Variants in PLCE1 observed in about 807,000 individuals in gnomAD.
The protein encoded by PLCE1 is phospholipase C epsilon 1.
Under a neutral mutation model 242.8 loss-of-function variants are expected in PLCE1, and 119 were observed. That is an observed-to-expected ratio of 0.49 (90% CI 0.42 to 0.57). PLCE1 has a LOEUF of 0.57. Among genes scored for constraint, PLCE1 ranks in the 20% least tolerant of loss-of-function variants. The pLI, the probability that PLCE1 is intolerant of heterozygous loss-of-function variation, is 0.00. For missense variants in PLCE1, 2,441 were observed against 2,788.8 expected, an observed-to-expected ratio of 0.88 and a Z score of 2.81; for synonymous variants, 945 against 1,017.4, an observed-to-expected ratio of 0.93 and a Z score of 1.35.
chr10:94,308,596 A>G lies in PLCE1; in HGVS notation c.5900A>G (p.Gln1967Arg), dbSNP rs1221249322. 6.2e-7 allele frequency: 1 copy of G among 1,609,666 alleles called. No homozygotes were observed. Among genetic ancestry groups the G allele is most frequent in the Non-Finnish European group, 8.5e-7 (1 of 1,175,934 alleles). ...ATTACTCCAGGATATCGACATCTTC[A>G]GCTGCGAAACCTTCACAATGAAGTC... ...KALKRGYRHL[Q>R]LRNLHNEVLE... Residue 1967 changes from glutamine (Q) to arginine (R), a missense_variant, in exon 27 of 33, where the codon CAG becomes CGG. Transcript: ENST00000371380.
intron 2 of PLCE1, among the ~76,000 whole-genome samples, chr10:94,095,209 A>G (rs1182898215): frequency 6.6e-6 from 1 of 152,244 alleles, no homozygotes; most frequent in Non-Finnish European, 1.5e-5. Context: ...TCATGCAATG[A>G]CAGGCACATT....
chr10:94,173,029 A>G (rs1263656913), intron 4 of PLCE1, among the ~76,000 whole-genome samples: 2 of 152,176 alleles, frequency 1.3e-5, no homozygotes, highest in Non-Finnish European at 2.9e-5. Flanking sequence ...TGTGCTAACC[A>G]TTTTATATGT....
rs188061292 is a variant in PLCE1 at position 94,087,195 on chromosome 10, A to T, written c.1207-44979A>T. ...AGACCCTGTTGCTATAAAGTTTTTT[A>T]AAAAATTAGCCAGGTGTGGTGGCTT... On this transcript the variant is annotated intron_variant, in intron 2 of 32. Coordinates refer to ENST00000371380, the MANE Select transcript of PLCE1 (RefSeq NM_016341.4). 1.2e-4 allele frequency among the ~76,000 whole-genome samples: 18 copies of T among 151,686 alleles called. No homozygotes were observed. The South Asian group carries it at 1.9e-3, about 16-fold the overall frequency.
At chr10:94,162,492 C>T (rs1299194816) in intron 3 of PLCE1, among the ~76,000 whole-genome samples, 4 of 152,112 alleles carry the variant, frequency 2.6e-5, no homozygotes, top group Admixed American at 6.6e-5. Flanking sequence ...TCTGTGGGAT[C>T]GGTGTGATAT....
At chr10:94,163,855 G>A (rs2047701940) in intron 3 of PLCE1, among the ~76,000 whole-genome samples, 1 of 152,136 alleles carries the variant, frequency 6.6e-6, no homozygotes, top group Non-Finnish European at 1.5e-5. Flanking sequence ...AGGCCTGGTG[G>A]TGACAAAATC....
chr10:94,262,048 T>C (rs1269183402), intron 13 of PLCE1, among the ~76,000 whole-genome samples: 1 of 148,584 alleles, frequency 6.7e-6, no homozygotes, highest in Non-Finnish European at 1.5e-5. Context: ...TTGCCCAGGC[T>C]AGAGTGCAGT....
In PLCE1 at chr10:94,030,721, C is replaced by G. The variant is rs931195342; in HGVS notation, c.-326C>G. ...TTCAAACTGGATTTTAAAATCATTG[C>G]AAATCAGTGATGGATCAGAAGTTGC... On this transcript the variant is annotated 5_prime_UTR_variant, in exon 2 of 33. Coordinates refer to ENST00000371380, the MANE Select transcript of PLCE1 (RefSeq NM_016341.4). 1.3e-4 allele frequency: 41 copies of G among 311,714 alleles called. No homozygotes were observed. The highest frequency in any genetic ancestry group is 8.5e-4 in the African/African-American group (39 of 45,922). 19.3% of individuals were successfully genotyped at this position (311,714 alleles called of 1,614,324 possible). A position where few individuals can be genotyped will look rare whatever the true frequency, so the allele number is the denominator to read the frequency against.
chr10:94,203,257 A>G (rs2049038660), intron 4 of PLCE1, among the ~76,000 whole-genome samples: 1 of 152,190 alleles, frequency 6.6e-6, no homozygotes, highest in East Asian at 1.9e-4. Context: ...TCTGCTCCCA[A>G]CTGTGACCCC....
At chr10:94,103,602 A>G (rs575584857) in intron 2 of PLCE1, among the ~76,000 whole-genome samples, 1 of 152,222 alleles carries the variant, frequency 6.6e-6, no homozygotes, top group African/African-American at 2.4e-5. Context: ...GTACCTATGT[A>G]AGAAAACTGC....
rs763696384 is a variant in PLCE1 at position 94,031,757 on chromosome 10, G to A, written c.711G>A (p.Leu237=). 3 of 1,613,740 alleles carry A rather than the reference G, an allele frequency of 1.9e-6. No individual in the cohort carries two copies. In the South Asian group the frequency reaches 3.3e-5, roughly 18 times the overall value. ...KKNYVAYTCK[L]MELAKNCDNK... is the part of the protein sequence containing the mutation. ...ACTATGTGGCATATACCTGTAAACT[G>A]ATGGAATTGGCCAAAAATTGTGATA... Residue 237 remains leucine (L), a synonymous_variant, in exon 2 of 33, where the codon CTG becomes CTA. Coordinates refer to ENST00000371380, the MANE Select transcript of PLCE1 (RefSeq NM_016341.4).
intron 8 of PLCE1, among the ~76,000 whole-genome samples, chr10:94,251,002 T>C (rs2137599971): frequency 6.6e-6 from 1 of 152,324 alleles, no homozygotes; most frequent in Admixed American, 6.5e-5. Flanking sequence ...TCTGTATCAC[T>C]GCATTCAAGA....
intron 2 of PLCE1, among the ~76,000 whole-genome samples, chr10:94,129,389 A>G (rs1334298335): frequency 6.6e-6 from 1 of 152,368 alleles, no homozygotes; most frequent in East Asian, 1.9e-4. Flanking sequence ...GACTCTCGTA[A>G]TTGTCTTTAA....
chr10:94,039,634 C>G (rs2061729730), intron 2 of PLCE1, among the ~76,000 whole-genome samples: 1 of 152,180 alleles, frequency 6.6e-6, no homozygotes. Flanking sequence ...GATCCGCCCA[C>G]CTTGGCCTCC....
At chr10:94,274,773 T>G (rs2051883508) in intron 19 of PLCE1, among the ~76,000 whole-genome samples, 1 of 152,184 alleles carries the variant, frequency 6.6e-6, no homozygotes, top group Non-Finnish European at 1.5e-5. Context: ...TCTACCTTTA[T>G]CCAGATCTGC....
rs372119112 is a variant in PLCE1, at chr10:94,298,593, C to A, written c.5382C>A (p.Ile1794=). Reference sequence around the variant, plus strand: ...GAACTTACCCTGCTGCCACCCGCATCGACTCTTCCAACCCGAACCCCCTCA... The same window carrying A: ...GAACTTACCCTGCTGCCACCCGCATAGACTCTTCCAACCCGAACCCCCTCA... ...LLRTYPAATR[I]DSSNPNPLMF... is the part of the protein sequence containing the mutation. Residue 1794 remains isoleucine, a synonymous_variant, in exon 24 of 33, where the codon ATC becomes ATA. Transcript: ENST00000371380. This position sits in a 1 kb window ranked among gnomAD's most constrained non-coding sequence, Gnocchi z 5.2. 12 of 1,614,094 alleles carry A rather than the reference C, an allele frequency of 7.4e-6. No homozygotes were observed. Among genetic ancestry groups the A allele is most frequent in the Non-Finnish European group, 1.0e-5 (12 of 1,179,990 alleles).
At chr10:94,189,903 T>G (rs533018275) in intron 4 of PLCE1, among the ~76,000 whole-genome samples, 1 of 152,352 alleles carries the variant, frequency 6.6e-6, no homozygotes, top group East Asian at 1.9e-4. Context: ...ACCCTGTTAC[T>G]TATTAGCAGT....
At chr10:94,263,535 AAG>A (rs1214621190) in intron 14 of PLCE1, among the ~76,000 whole-genome samples, 1 of 151,372 alleles carries the variant, frequency 6.6e-6, no homozygotes, top group Non-Finnish European at 1.5e-5. Context: ...AAAAAAGAAA[AAG>A]AAAAATCAGC....
chr10:94,205,796 A>G (rs564409735), intron 4 of PLCE1, among the ~76,000 whole-genome samples: 1 of 152,344 alleles, frequency 6.6e-6, no homozygotes, highest in African/African-American at 2.4e-5. Context: ...GATCCAGGAT[A>G]ATTGGAAGTG....
At chr10:94,252,698 G>A (rs1421666422) in intron 9 of PLCE1, among the ~76,000 whole-genome samples, 200 bp downstream of exon 9, 1 of 152,094 alleles carries the variant, frequency 6.6e-6, no homozygotes, top group East Asian at 1.9e-4. Context: ...TCCGCAGAAG[G>A]ACATAGACAT....
Sources: gnomAD v4.1 joint callset for allele counts (sites outside exome capture counted in the v4.1 genomes callset) on GRCh38, gnomAD v4.1.1 for gene constraint, Gnocchi (gnomAD v3.1) non-coding constraint, MANE v1.5 for transcripts, NCBI Gene and HGNC (gene_info 2026-07-23, HGNC 2026-07-21) for gene names.